The following LHFPL7 variants were observed in gnomAD, a reference collection of about 807,000 sequenced individuals.
LHFPL7 encodes the protein LHFPL tetraspan subfamily member 7, also known as LHFPL tetraspan subfamily member 7 protein.
the LHFPL7 span, among the ~76,000 whole-genome samples, chr22:24,944,999 G>A: frequency 2.0e-5 from 3 of 151,836 alleles, no homozygotes; most frequent in Non-Finnish European, 1.5e-5. Flanking sequence ...TAGTAGAGAC[G>A]GGATTTCACC....
the LHFPL7 span, among the ~76,000 whole-genome samples, chr22:24,942,483 G>A: frequency 6.6e-6 from 1 of 152,170 alleles, no homozygotes; most frequent in East Asian, 1.9e-4. Flanking sequence ...AAAAGCAGCT[G>A]AGCTGCCAAC....
the LHFPL7 span, among the ~76,000 whole-genome samples, chr22:24,944,718 CTATTTATTTATTTATT>C: frequency 6.7e-6 from 1 of 148,984 alleles, no homozygotes; most frequent in Non-Finnish European, 1.5e-5. Context: ...ACATGCCTGG[CTATTTATTTATTTATT>C]TATTTATTTA....
At chr22:24,940,278 C>A in the LHFPL7 span, among the ~76,000 whole-genome samples, 1 of 148,744 alleles carries the variant, frequency 6.7e-6, no homozygotes, top group Admixed American at 6.7e-5. Flanking sequence ...CTGCTTCTAC[C>A]CAGTCGGGGC....
the LHFPL7 span, among the ~76,000 whole-genome samples, chr22:24,942,737 A>G: frequency 6.6e-6 from 1 of 152,306 alleles, no homozygotes; most frequent in African/African-American, 2.4e-5. Context: ...GACTAGGGGC[A>G]GACAGTGTTG....
the LHFPL7 span, among the ~76,000 whole-genome samples, chr22:24,942,894 T>A: frequency 1.8e-4 from 12 of 65,034 alleles, no homozygotes; most frequent in Non-Finnish European, 3.0e-4. Flanking sequence ...GGGGATAAAG[T>A]GTGTGTGTGT....
chr22:24,941,821 C>T, the LHFPL7 span, among the ~76,000 whole-genome samples: 1 of 151,624 alleles, frequency 6.6e-6, no homozygotes, highest in South Asian at 2.1e-4. Context: ...CACAAGCCAT[C>T]ACGCCCAGCT....
chr22:24,940,052 G>A, the LHFPL7 span, among the ~76,000 whole-genome samples: 2 of 147,938 alleles, frequency 1.4e-5, no homozygotes, highest in African/African-American at 5.0e-5. Flanking sequence ...CTCAGCCTCC[G>A]GAGTAGCTGG....
the LHFPL7 span, among the ~76,000 whole-genome samples, chr22:24,936,985 T>C: frequency 6.8e-6 from 1 of 146,562 alleles, no homozygotes; most frequent in African/African-American, 2.5e-5. Flanking sequence ...ATCAATTGAC[T>C]CAGCAAATGT....
At chr22:24,942,528 C>G in the LHFPL7 span, among the ~76,000 whole-genome samples, 1 of 152,220 alleles carries the variant, frequency 6.6e-6, no homozygotes, top group Non-Finnish European at 1.5e-5. Flanking sequence ...TTGCCAGGCA[C>G]CTGCGGCACA....
At chr22:24,936,622 TC>T in the LHFPL7 span, among the ~76,000 whole-genome samples, 1 of 152,184 alleles carries the variant, frequency 6.6e-6, no homozygotes, top group Non-Finnish European at 1.5e-5. Context: ...CTTGCTGCTC[TC>T]CAGCCACCCT....
At chr22:24,935,505 T>C in the LHFPL7 span, 1 of 1,614,012 alleles carries the variant, frequency 6.2e-7, no homozygotes, top group Non-Finnish European at 8.5e-7. Flanking sequence ...CTTCCCACCA[T>C]AATACATGGA....
At chr22:24,939,924 C>CTTTTTTTTTTTTTTTTTTTTT in the LHFPL7 span, among the ~76,000 whole-genome samples, 3 of 86,992 alleles carry the variant, frequency 3.4e-5, no homozygotes, top group African/African-American at 1.3e-4. Flanking sequence ...TCATTTATCG[C>CTTTTTTTTTTTTTTTTTTTTT]TTTTTTTTTT....
chr22:24,939,630 G>A, the LHFPL7 span: 1 of 687,510 alleles, frequency 1.5e-6, no homozygotes, highest in South Asian at 1.5e-5. Flanking sequence ...GTGCTCCCTA[G>A]CCAGGGATCT....
the LHFPL7 span, among the ~76,000 whole-genome samples, chr22:24,939,007 C>G: frequency 6.6e-6 from 1 of 152,180 alleles, no homozygotes; most frequent in African/African-American, 2.4e-5. Context: ...CACGAAGGTG[C>G]TACATTGGCC....
chr22:24,940,116 A>T, the LHFPL7 span, among the ~76,000 whole-genome samples: 5 of 147,410 alleles, frequency 3.4e-5, no homozygotes, highest in African/African-American at 1.2e-4. Context: ...TTTAGTAGAG[A>T]CGGGTTCCAC....
the LHFPL7 span, chr22:24,939,397 T>C: frequency 2.8e-6 from 2 of 703,060 alleles, no homozygotes; most frequent in South Asian, 3.0e-5. Context: ...TGGTTCCAAC[T>C]GTTGCCCTGA....
chr22:24,939,179 A>G, the LHFPL7 span, among the ~76,000 whole-genome samples: 3 of 152,122 alleles, frequency 2.0e-5, no homozygotes, highest in African/African-American at 4.8e-5. Flanking sequence ...AAGAACTTCT[A>G]TGCTCAGTTC....
chr22:24,935,699 C>T, the LHFPL7 span: 1 of 1,408,368 alleles, frequency 7.1e-7, no homozygotes, highest in African/African-American at 1.4e-5. Context: ...CATCTATCCA[C>T]CCACTCATTC....
At chr22:24,937,178 TG>T in the LHFPL7 span, among the ~76,000 whole-genome samples, 1 of 152,060 alleles carries the variant, frequency 6.6e-6, no homozygotes, top group South Asian at 2.1e-4. Context: ...AGTAAGAAGA[TG>T]GAGAATCTAA....
Sources: allele counts gnomAD v4.1 joint callset (sites outside exome capture counted in the v4.1 genomes callset), GRCh38; gene constraint gnomAD v4.1.1; transcripts MANE v1.5; gene names NCBI Gene and HGNC (gene_info 2026-07-23, HGNC 2026-07-21).